UBA6: variants seen among roughly 807,000 people sequenced by gnomAD.
UBA6 encodes the protein ubiquitin-like modifier-activating enzyme 6.
In UBA6, 87 loss-of-function variants were observed where a neutral mutation model predicts 148.3. The observed-to-expected ratio is 0.59, with a 90% confidence interval of 0.49 to 0.70. The LOEUF is 0.70. UBA6 is among the 30% of genes least tolerant of loss of function. The pLI is 0.00. For missense variants in UBA6, 1,186 were observed against 1,241.2 expected (o/e 0.96, Z 0.67); for synonymous variants, 376 against 401.0 (o/e 0.94, Z 0.75).
Position 67,615,788 on chromosome 4 carries a change from A to G in UBA6, c.*3209T>C, listed in dbSNP as rs1040810954. On this transcript the variant is annotated 3_prime_UTR_variant, in exon 33 of 33. Coordinates refer to ENST00000322244, the MANE Select transcript of UBA6 (RefSeq NM_018227.6). ...TGATTTTAAATAAAACTCAAAAACAAGCAAACTGTATTGTTTAAGTTTACA... is the reference window on the plus strand; with the variant it reads ...TGATTTTAAATAAAACTCAAAAACAGGCAAACTGTATTGTTTAAGTTTACA... The G allele has an allele frequency of 9.4e-6, 2 of 211,756 alleles. No homozygotes were observed. Among genetic ancestry groups the G allele is most frequent in the African/African-American group, 4.5e-5 (2 of 44,400 alleles). 13.1% of individuals were successfully genotyped at this position (211,756 alleles called of 1,614,324 possible). A position where few individuals can be genotyped will look rare whatever the true frequency, so the allele number is the denominator to read the frequency against.
chr4:67,626,563 A>T, intron 27 of UBA6, 86 bp from the exon 28 acceptor site: 1 of 818,702 alleles, frequency 1.2e-6, no homozygotes, highest in Admixed American at 2.7e-5. Flanking sequence ...CAAATTACAA[A>T]GAGAAAATAT....
intron 2 of UBA6, among the ~76,000 whole-genome samples, chr4:67,694,700 T>A (rs1449119194): frequency 2.0e-5 from 3 of 152,156 alleles, no homozygotes; most frequent in African/African-American, 7.2e-5. Flanking sequence ...CCTGGCCACA[T>A]CTTTGTATTT....
intron 1 of UBA6, among the ~76,000 whole-genome samples, chr4:67,699,159 C>T (rs1382403850): frequency 6.6e-6 from 1 of 152,086 alleles, no homozygotes; most frequent in Non-Finnish European, 1.5e-5. Context: ...AGAGATAATT[C>T]CCAGGTACAG....
chr4:67,644,400 C>T (rs960765362), intron 17 of UBA6, among the ~76,000 whole-genome samples: 1 of 151,978 alleles, frequency 6.6e-6, no homozygotes, highest in Non-Finnish European at 1.5e-5. Context: ...CTTGCAAAGC[C>T]CTTTCACATT....
chr4:67,673,787 A>C lies in UBA6; in HGVS notation c.466-10T>G, dbSNP rs1472484156. 1 of 1,578,534 alleles carries C rather than the reference A, an allele frequency of 6.3e-7. No homozygotes were observed. Among genetic ancestry groups the C allele is most frequent in the Non-Finnish European group, 8.6e-7 (1 of 1,157,332 alleles). On this transcript the variant is annotated splice_polypyrimidine_tract_variant and intron_variant, in intron 6 of 32. Transcript: ENST00000322244. ...CAGTCAATACTACACACTGTTGAGA[A>C]AACAACAAATTAAAAACTAGAAAAT... is the stretch of plus-strand genomic sequence containing the variant.
intron 13 of UBA6, among the ~76,000 whole-genome samples, chr4:67,660,389 C>T (rs549851321): frequency 5.3e-5 from 8 of 152,172 alleles, no homozygotes; most frequent in Non-Finnish European, 1.0e-4. Context: ...GGCCTTGCTA[C>T]TTTGTGCAGT....
chr4:67,636,440 G>A (rs1044780943), intron 19 of UBA6, among the ~76,000 whole-genome samples: 1 of 152,154 alleles, frequency 6.6e-6, no homozygotes, highest in Non-Finnish European at 1.5e-5. Flanking sequence ...CTCTGATGCC[G>A]AGCCGAAGCT....
At chr4:67,624,786 ATTT>A (rs1412352411) in intron 29 of UBA6, among the ~76,000 whole-genome samples, 3 of 152,034 alleles carry the variant, frequency 2.0e-5, no homozygotes, top group Non-Finnish European at 4.4e-5. Context: ...TCTTGAGCTT[ATTT>A]TTTATTTTAA....
intron 5 of UBA6, 30 bp from the exon 6 acceptor site, chr4:67,677,752 C>G (rs763179035): frequency 4.9e-6 from 6 of 1,214,786 alleles, no homozygotes; most frequent in Non-Finnish European, 7.1e-6. Flanking sequence ...TTTTACTGTT[C>G]TTTAATTCAA....
intron 14 of UBA6, 135 bp downstream of exon 14, chr4:67,648,933 C>T: frequency 1.2e-6 from 1 of 849,538 alleles, no homozygotes; most frequent in Non-Finnish European, 1.8e-6. Context: ...GTGTTGGAGG[C>T]ATACTGCTTG....
At chr4:67,698,312 C>T (rs1730888265) in intron 1 of UBA6, among the ~76,000 whole-genome samples, 1 of 152,148 alleles carries the variant, frequency 6.6e-6, no homozygotes, top group African/African-American at 2.4e-5. Flanking sequence ...TCTGCCACTA[C>T]TACCAAAAAA....
At chr4:67,634,214 G>A in intron 22 of UBA6, 28 bp downstream of exon 22, 1 of 1,461,608 alleles carries the variant, frequency 6.8e-7, no homozygotes, top group South Asian at 1.3e-5. Context: ...AAAGTGTTAA[G>A]TTTGTATTAA....
chr4:67,659,921 G>A (rs923796062), intron 13 of UBA6, among the ~76,000 whole-genome samples: 2 of 152,166 alleles, frequency 1.3e-5, no homozygotes, highest in Non-Finnish European at 2.9e-5. Flanking sequence ...GAATAAAGGT[G>A]ACTCTTATTA....
At chr4:67,637,574 T>C (rs988089479) in intron 19 of UBA6, among the ~76,000 whole-genome samples, 4 of 151,076 alleles carry the variant, frequency 2.6e-5, no homozygotes, top group South Asian at 2.1e-4. Flanking sequence ...CGAGACTCCA[T>C]TTTGTTCTGT....
intron 5 of UBA6, among the ~76,000 whole-genome samples, chr4:67,677,967 C>T (rs1730325236): frequency 7.0e-6 from 1 of 142,772 alleles, no homozygotes; most frequent in African/African-American, 2.5e-5. Context: ...TAGTTCCAAG[C>T]TCCAGGCTCC....
chr4:67,624,727 C>A (rs180892630), intron 29 of UBA6, among the ~76,000 whole-genome samples: 1 of 151,936 alleles, frequency 6.6e-6, no homozygotes, highest in South Asian at 2.1e-4. Flanking sequence ...GTATGAATGA[C>A]GTAAAGATCA....
intron 2 of UBA6, among the ~76,000 whole-genome samples, chr4:67,685,882 T>A (rs963175250): frequency 6.6e-6 from 1 of 152,266 alleles, no homozygotes. Flanking sequence ...CTAGCCTCCA[T>A]AACTGTGAGC....
At chr4:67,645,329 G>A (rs780560355) in intron 16 of UBA6, among the ~76,000 whole-genome samples, 33 of 152,136 alleles carry the variant, frequency 2.2e-4, no homozygotes, top group Non-Finnish European at 3.8e-4. Context: ...GGCTGGGTGA[G>A]GTGGCTCACA....
chr4:67,667,836 C>T lies in UBA6; in HGVS notation c.793+715G>A, dbSNP rs150024447. ...TTTCATTTCCTTTTGGCAATGACTT[C>T]GCATTAGTCCAGTAAAAAAACAGAC... On this transcript the variant is annotated intron_variant, in intron 9 of 32. Transcript: ENST00000322244. Among the ~76,000 whole-genome samples, 589 of 152,222 alleles carry T rather than the reference C, an allele frequency of 3.9e-3. 3 individuals are homozygous for T. Among genetic ancestry groups the T allele is most frequent in the African/African-American group, 0.013 (554 of 41,544 alleles).
Sources: allele counts gnomAD v4.1 joint callset (sites outside exome capture counted in the v4.1 genomes callset), GRCh38; gene constraint gnomAD v4.1.1; transcripts MANE v1.5; gene names NCBI Gene and HGNC (gene_info 2026-07-23, HGNC 2026-07-21).